Variants in CADPS2 observed in about 807,000 individuals in gnomAD.
The protein encoded by CADPS2 is calcium-dependent secretion activator 2.
CADPS2 carries 93 observed loss-of-function variants against 172.5 expected under a neutral mutation model. That is an observed-to-expected ratio of 0.54 (90% CI 0.46 to 0.64). The LOEUF is 0.64. Ranked by LOEUF, CADPS2 falls within the 30% of genes least tolerant of loss-of-function variation. The pLI, the probability that CADPS2 is intolerant of heterozygous loss-of-function variation, is 0.00. For missense variants in CADPS2, 1,420 were observed against 1,565.9 expected (o/e 0.91, Z 1.57); for synonymous variants, 546 against 555.2 (o/e 0.98, Z 0.23).
intron 3 of CADPS2, among the ~76,000 whole-genome samples, chr7:122,661,923 G>T (rs1033094680): frequency 1.3e-4 from 20 of 152,134 alleles, no homozygotes; most frequent in Non-Finnish European, 2.8e-4. Context: ...TCAAATAGAA[G>T]ATTTTGGTTT....
intron 29 of CADPS2, among the ~76,000 whole-genome samples, chr7:122,321,102 T>C (rs187678992): frequency 4.6e-5 from 7 of 152,354 alleles, no homozygotes; most frequent in Non-Finnish European, 7.3e-5. Context: ...CAACAATATT[T>C]TTCTGTGGCA....
intron 1 of CADPS2, among the ~76,000 whole-genome samples, chr7:122,866,805 T>C (rs1325181865): frequency 6.6e-6 from 1 of 152,212 alleles, no homozygotes; most frequent in Admixed American, 6.5e-5. Flanking sequence ...GATCATTTCC[T>C]GAAACTTTTG....
intron 1 of CADPS2, among the ~76,000 whole-genome samples, chr7:122,777,335 C>T (rs2093915710): frequency 1.3e-5 from 2 of 152,158 alleles, no homozygotes; most frequent in Non-Finnish European, 2.9e-5. Context: ...GATTCAAGAT[C>T]CAGTATGGCT....
intron 2 of CADPS2, among the ~76,000 whole-genome samples, chr7:122,720,678 A>T (rs1198189231): frequency 1.3e-5 from 2 of 151,898 alleles, no homozygotes; most frequent in African/African-American, 2.4e-5. Flanking sequence ...AAACTTTGGG[A>T]TCTTTTAATA....
intron 11 of CADPS2, among the ~76,000 whole-genome samples, chr7:122,484,689 A>G (rs921330110): frequency 3.3e-5 from 5 of 151,234 alleles, no homozygotes; most frequent in Non-Finnish European, 7.4e-5. Context: ...TCTGAAAGTC[A>G]CTATTAAGAG....
At chr7:122,332,873 A>C (rs1456947760) in intron 28 of CADPS2, among the ~76,000 whole-genome samples, 1 of 152,190 alleles carries the variant, frequency 6.6e-6, no homozygotes, top group Non-Finnish European at 1.5e-5. Flanking sequence ...ATATTTAAAA[A>C]ATAATGTTCT....
chr7:122,747,099 T>C (rs2092748366), intron 1 of CADPS2, among the ~76,000 whole-genome samples: 1 of 152,048 alleles, frequency 6.6e-6, no homozygotes, highest in South Asian at 2.1e-4. Flanking sequence ...GTGATCTCTG[T>C]GGCAAACAGC....
intron 25 of CADPS2, among the ~76,000 whole-genome samples, chr7:122,366,342 C>T (rs1038859498): frequency 1.3e-5 from 2 of 151,022 alleles, no homozygotes; most frequent in Admixed American, 6.6e-5. Context: ...TGGTGGCTCA[C>T]ACCTGTAATC....
At chr7:122,864,696 A>G (rs1411055277) in intron 1 of CADPS2, among the ~76,000 whole-genome samples, 1 of 152,232 alleles carries the variant, frequency 6.6e-6, no homozygotes, top group East Asian at 1.9e-4. Flanking sequence ...GGATAAGTAT[A>G]TTAATTAAAT....
At chr7:122,489,539 TAAC>T (rs1403078367) in intron 11 of CADPS2, among the ~76,000 whole-genome samples, 6 of 152,122 alleles carry the variant, frequency 3.9e-5, no homozygotes, top group African/African-American at 7.2e-5. Flanking sequence ...ATTTAGTTCT[TAAC>T]AACTTAAGGT....
chr7:122,386,398 G>GA (rs2043679435), intron 24 of CADPS2: 6 of 761,904 alleles, frequency 7.9e-6, no homozygotes, highest in Admixed American at 3.6e-5. Context: ...ATTACAATGG[G>GA]AAAAAAAGGC....
intron 6 of CADPS2, among the ~76,000 whole-genome samples, chr7:122,583,353 C>T (rs896806234): frequency 2.0e-5 from 3 of 151,838 alleles, no homozygotes; most frequent in Admixed American, 1.3e-4. Flanking sequence ...ATTAGGAAAG[C>T]CCTTGTGTGC....
chr7:122,572,336 AT>A (rs1239449737), intron 7 of CADPS2, among the ~76,000 whole-genome samples: 2 of 152,088 alleles, frequency 1.3e-5, no homozygotes, highest in East Asian at 3.9e-4. Flanking sequence ...TCAGATAGCA[AT>A]TCTTCATGAG....
intron 6 of CADPS2, among the ~76,000 whole-genome samples, chr7:122,596,370 A>G (rs1236896663): frequency 2.6e-5 from 4 of 152,112 alleles, no homozygotes; most frequent in African/African-American, 4.8e-5. Flanking sequence ...ACATTTAAAT[A>G]ATGACACTTT....
At chr7:122,561,123 TACAG>T (rs2065704898) in intron 7 of CADPS2, among the ~76,000 whole-genome samples, 1 of 152,194 alleles carries the variant, frequency 6.6e-6, no homozygotes, top group Non-Finnish European at 1.5e-5. Context: ...TGCTCACTCT[TACAG>T]ACACAGTGCT....
chr7:122,652,522 C>G (rs2079272808), intron 3 of CADPS2, among the ~76,000 whole-genome samples: 1 of 152,082 alleles, frequency 6.6e-6, no homozygotes, highest in Non-Finnish European at 1.5e-5. Context: ...AACTGCATTT[C>G]CTTAAAATAT....
rs1202526031 is a variant in CADPS2, at chr7:122,471,393, G to C, written c.2168C>G (p.Ser723Cys). ...AAAATACCTGTTGCCGTGCACATGAGAGGCACAGAATGCAAAGCTGTAATG... is the reference window on the plus strand; with the variant it reads ...AAAATACCTGTTGCCGTGCACATGACAGGCACAGAATGCAAAGCTGTAATG... ...LLHYSFAFCA[S>C]HVHGNRPDGI... The change falls in exon 14 of 30, where the codon TCT (serine) becomes TGT (cysteine). Residue 723 changes from serine (S) to cysteine (C), a missense_variant. Ser to Cys is a moderately radical substitution (Grantham distance 112, BLOSUM62 -1). Coordinates refer to ENST00000449022, the MANE Select transcript of CADPS2 (RefSeq NM_017954.11). 1 of 1,612,656 alleles carries C rather than the reference G, an allele frequency of 6.2e-7. No homozygotes were observed. Among genetic ancestry groups the C allele is most frequent in the African/African-American group, 1.3e-5 (1 of 74,856 alleles).
intron 2 of CADPS2, among the ~76,000 whole-genome samples, chr7:122,667,809 GA>G (rs1284046893): frequency 6.6e-6 from 1 of 151,756 alleles, no homozygotes; most frequent in African/African-American, 2.4e-5. Context: ...GATACTTCAA[GA>G]AAAAGAAAAT....
At chr7:122,455,870 C>T (rs112436223) in intron 14 of CADPS2, among the ~76,000 whole-genome samples, 1 of 151,960 alleles carries the variant, frequency 6.6e-6, no homozygotes, top group African/African-American at 2.4e-5. Flanking sequence ...CCACACCTGG[C>T]TAATTTTGTA....
Sources: allele counts gnomAD v4.1 joint callset (sites outside exome capture counted in the v4.1 genomes callset), GRCh38; gene constraint gnomAD v4.1.1; transcripts MANE v1.5; gene names NCBI Gene and HGNC (gene_info 2026-07-23, HGNC 2026-07-21).